The following ACCSL variants were observed in gnomAD, a reference collection of about 807,000 sequenced individuals.
ACCSL encodes 1-aminocyclopropane-1-carboxylate synthase homolog (inactive) like, also known as probable inactive 1-aminocyclopropane-1-carboxylate synthase-like protein 2.
A neutral mutation model predicts 61.7 loss-of-function variants in ACCSL; 55 were observed. The observed-to-expected ratio is 0.89, with a 90% CI of 0.72 to 1.12. The LOEUF (loss-of-function observed/expected upper bound fraction) is 1.12. Ranked by LOEUF, ACCSL falls within the 50% of genes most tolerant of loss-of-function variation. ACCSL has a pLI of 0.00. For missense variants in ACCSL, 632 were observed against 698.0 expected (o/e 0.91, Z 1.07); for synonymous variants, 258 against 264.3 (o/e 0.98, Z 0.23).
chr11:44,050,497 T>C, intron 2 of ACCSL, 55 bp from the exon 3 acceptor site: 2 of 1,503,342 alleles, frequency 1.3e-6, no homozygotes, highest in African/African-American at 1.4e-5. Context: ...AGGAGTAGAA[T>C]GAGGCCTCTT....
chr11:44,033,081 A>C, the ACCSL span, among the ~76,000 whole-genome samples: 4 of 152,208 alleles, frequency 2.6e-5, no homozygotes, highest in South Asian at 8.3e-4. Context: ...AAAGAATGAA[A>C]GTTTAAATGG....
chr11:44,045,692 C>A (rs976091990), upstream of ACCSL, among the ~76,000 whole-genome samples: 9 of 152,144 alleles, frequency 5.9e-5, no homozygotes, highest in African/African-American at 2.2e-4. Context: ...GTATATGGGG[C>A]AGACTAGTGG....
At chr11:44,015,657 T>C in the ACCSL span, among the ~76,000 whole-genome samples, 1 of 152,170 alleles carries the variant, frequency 6.6e-6, no homozygotes, top group Non-Finnish European at 1.5e-5. Flanking sequence ...ACCCAGCTCA[T>C]GCAAAAATAC....
At chr11:43,992,785 AAC>A in the ACCSL span, among the ~76,000 whole-genome samples, 4 of 152,244 alleles carry the variant, frequency 2.6e-5, no homozygotes, top group African/African-American at 9.6e-5. Context: ...TAGGTGCAGT[AAC>A]AAATAGACCA....
chr11:43,984,617 G>T, the ACCSL span, among the ~76,000 whole-genome samples: 9 of 152,388 alleles, frequency 5.9e-5, no homozygotes, highest in African/African-American at 1.9e-4. Flanking sequence ...GTGACCCAGA[G>T]TTTGTGGCGT....
the ACCSL span, among the ~76,000 whole-genome samples, chr11:43,950,211 T>A: frequency 6.6e-6 from 1 of 152,234 alleles, no homozygotes; most frequent in Non-Finnish European, 1.5e-5. Flanking sequence ...ATCTTACACA[T>A]ATTGATTGAT....
chr11:43,975,671 T>C, the ACCSL span, among the ~76,000 whole-genome samples: 2 of 152,058 alleles, frequency 1.3e-5, no homozygotes, highest in Middle Eastern at 3.4e-3. Flanking sequence ...GATGATTATA[T>C]CAGCAAAAAC....
chr11:44,008,357 G>A, the ACCSL span, among the ~76,000 whole-genome samples: 152 of 152,294 alleles, frequency 1.0e-3, 1 homozygote, highest in African/African-American at 3.5e-3. Flanking sequence ...AGCGTGGTCC[G>A]GGGCTGGTGC....
At chr11:44,011,796 G>T in the ACCSL span, among the ~76,000 whole-genome samples, 1 of 151,190 alleles carries the variant, frequency 6.6e-6, no homozygotes, top group East Asian at 1.9e-4. Flanking sequence ...GTGTGGGGGC[G>T]TGTGTGTGTG....
At chr11:43,991,858 C>A in the ACCSL span, among the ~76,000 whole-genome samples, 1 of 152,042 alleles carries the variant, frequency 6.6e-6, no homozygotes, top group African/African-American at 2.4e-5. Context: ...TCTAATGACT[C>A]CCTGATAATC....
chr11:44,007,196 G>T, the ACCSL span, among the ~76,000 whole-genome samples: 1 of 152,232 alleles, frequency 6.6e-6, no homozygotes, highest in Non-Finnish European at 1.5e-5. Context: ...GTTTTTGCCA[G>T]ATCTGCCCAG....
the ACCSL span, among the ~76,000 whole-genome samples, chr11:43,982,192 CCT>C: frequency 1.3e-5 from 2 of 151,090 alleles, no homozygotes; most frequent in East Asian, 3.9e-4. Context: ...CCCAGAACCA[CCT>C]CTCTGTCCTG....
the ACCSL span, among the ~76,000 whole-genome samples, chr11:43,927,967 A>G: frequency 6.6e-6 from 1 of 152,232 alleles, no homozygotes; most frequent in Non-Finnish European, 1.5e-5. Flanking sequence ...CTTGGAAAAC[A>G]TCAATAATAA....
chr11:43,942,542 C>T, the ACCSL span: 1 of 260,624 alleles, frequency 3.8e-6, no homozygotes, highest in South Asian at 3.1e-5. Context: ...GGGCGCGGGG[C>T]GCGCACGCTT....
At chr11:43,926,495 G>A in the ACCSL span, 26 of 456,090 alleles carry the variant, frequency 5.7e-5, 1 homozygote, top group South Asian at 4.0e-4. Flanking sequence ...TACCAGGCTG[G>A]AATTCTGTTC....
At chr11:44,003,608 A>C in the ACCSL span, among the ~76,000 whole-genome samples, 2 of 149,632 alleles carry the variant, frequency 1.3e-5, no homozygotes, top group Non-Finnish European at 3.0e-5. Context: ...GCGCCACTAC[A>C]CTCCAGTCTG....
chr11:43,970,913 A>AGTTG, the ACCSL span, among the ~76,000 whole-genome samples: 1 of 152,224 alleles, frequency 6.6e-6, no homozygotes, highest in African/African-American at 2.4e-5. Flanking sequence ...CCTAGTTGCT[A>AGTTG]GCACAATACC....
chr11:44,028,445 G>A, the ACCSL span, among the ~76,000 whole-genome samples: 1 of 152,184 alleles, frequency 6.6e-6, no homozygotes, highest in Non-Finnish European at 1.5e-5. Context: ...CACTTGAAAT[G>A]TGGCTAATAT....
chr11:43,952,149 G>T, the ACCSL span, among the ~76,000 whole-genome samples: 1 of 151,744 alleles, frequency 6.6e-6, no homozygotes, highest in Non-Finnish European at 1.5e-5. Context: ...CAGGGGTTTG[G>T]TGTACAGATT....
Sources: gnomAD v4.1 joint callset for allele counts (sites outside exome capture counted in the v4.1 genomes callset) on GRCh38, gnomAD v4.1.1 for gene constraint, MANE v1.5 for transcripts, NCBI Gene and HGNC (gene_info 2026-07-23, HGNC 2026-07-21) for gene names.